The following CFAP299 variants were observed in gnomAD, a reference collection of about 807,000 sequenced individuals.
CFAP299 encodes cilia- and flagella-associated protein 299.
Under a neutral mutation model 27.0 loss-of-function variants are expected in CFAP299, and 21 were observed. The observed-to-expected ratio is 0.78, with a 90% CI of 0.55 to 1.12. The LOEUF is 1.12. Ranked by LOEUF, CFAP299 falls within the 50% of genes most tolerant of loss-of-function variation. The probability of loss-of-function intolerance (pLI) is 0.00; values close to 1 mark genes in which losing one functional copy is unlikely to be tolerated. For missense variants in CFAP299, 310 were observed against 276.6 expected (o/e 1.12, Z -0.86); for synonymous variants, 104 against 98.1 (o/e 1.06, Z -0.36).
At chr4:80,733,003 C>T (rs185341251) in intron 3 of CFAP299, among the ~76,000 whole-genome samples, 5 of 152,148 alleles carry the variant, frequency 3.3e-5, no homozygotes, top group African/African-American at 1.2e-4. Context: ...ATAAATTGTG[C>T]TCACACTGAT....
chr4:80,828,943 T>C (rs537540475), intron 3 of CFAP299, among the ~76,000 whole-genome samples: 3 of 151,946 alleles, frequency 2.0e-5, no homozygotes, highest in African/African-American at 7.2e-5. Context: ...ACAAAATTGA[T>C]CAAAGACCTA....
intron 4 of CFAP299, among the ~76,000 whole-genome samples, chr4:80,894,664 T>A (rs113117596): frequency 0.03 from 4,535 of 152,020 alleles, 184 homozygotes; most frequent in African/African-American, 0.091. Flanking sequence ...CTAACTACTA[T>A]GTGATCCAAC....
At chr4:80,387,693 G>A (rs914878758) in intron 2 of CFAP299, 10 of 1,576,772 alleles carry the variant, frequency 6.3e-6, no homozygotes, top group Middle Eastern at 1.7e-4. Context: ...CAAAGGCATG[G>A]CCACATGCAA....
At chr4:80,735,467 G>A (rs992128698) in intron 3 of CFAP299, among the ~76,000 whole-genome samples, 18 of 152,108 alleles carry the variant, frequency 1.2e-4, no homozygotes, top group African/African-American at 4.3e-4. Flanking sequence ...AGAACTTCCA[G>A]TACTATGTTG....
intron 3 of CFAP299, among the ~76,000 whole-genome samples, chr4:80,732,090 C>T (rs1291121710): frequency 6.6e-6 from 1 of 151,768 alleles, no homozygotes; most frequent in Non-Finnish European, 1.5e-5. Flanking sequence ...CACACACACA[C>T]ACACACACAG....
At chr4:80,755,932 C>T (rs1389803394) in intron 3 of CFAP299, among the ~76,000 whole-genome samples, 1 of 152,054 alleles carries the variant, frequency 6.6e-6, no homozygotes, top group African/African-American at 2.4e-5. Context: ...AATATGTGGA[C>T]TTTGCTTTTT....
intron 2 of CFAP299, among the ~76,000 whole-genome samples, chr4:80,501,855 T>C (rs2110152220): frequency 6.6e-6 from 1 of 152,078 alleles, no homozygotes; most frequent in African/African-American, 2.4e-5. Context: ...CTTCAGGATG[T>C]ATTTTAATTA....
At position 80,596,879 on chromosome 4, in the gene CFAP299, G is replaced by A. The variant is rs373914813; in HGVS notation, c.333+13696G>A. Among the ~76,000 whole-genome samples, 141 of 152,192 alleles carry A rather than the reference G, an allele frequency of 9.3e-4. No individual in the cohort carries two copies. The South Asian group carries it at 0.018, about 20-fold the overall frequency. On this transcript the variant is annotated intron_variant, in intron 3 of 5. Coordinates refer to ENST00000358105, the MANE Select transcript of CFAP299 (RefSeq NM_152770.3). ...TTTTTAAACTAAATATTTTGTTTAT[G>A]AGAACCATCCATGTTGTCGTGTGCA...
the CFAP299 span, among the ~76,000 whole-genome samples, chr4:80,330,059 T>C: frequency 2.0e-5 from 3 of 152,186 alleles, no homozygotes; most frequent in African/African-American, 7.2e-5. Flanking sequence ...GTATTTCTTA[T>C]TTTGAGCAGG....
chr4:80,599,603 T>C (rs1737226039), intron 3 of CFAP299, among the ~76,000 whole-genome samples: 1 of 152,100 alleles, frequency 6.6e-6, no homozygotes, highest in Non-Finnish European at 1.5e-5. Flanking sequence ...AACTTCAAAA[T>C]TGCAGAGGTA....
At chr4:80,412,269 A>C (rs941099544) in intron 2 of CFAP299, among the ~76,000 whole-genome samples, 6 of 46,736 alleles carry the variant, frequency 1.3e-4, no homozygotes, top group Non-Finnish European at 2.8e-4. Flanking sequence ...ATCCACATAT[A>C]GTCCTTTTTT....
chr4:80,944,978 A>G (rs1211893962), intron 5 of CFAP299, 39 bp downstream of exon 5: 3 of 1,562,904 alleles, frequency 1.9e-6, no homozygotes, highest in Non-Finnish European at 2.6e-6. Context: ...ACCTCTTCAC[A>G]TGTTATTGTA....
rs1455526774 is a variant in CFAP299, at chr4:80,799,187, ATATT to A, written c.334-70802_334-70799del. Among the ~76,000 whole-genome samples, 3 of 122,766 alleles carry A rather than the reference ATATT, an allele frequency of 2.4e-5. No individual in the cohort carries two copies. In the Admixed American group the frequency reaches 3.2e-4, roughly 13 times the overall value. 80.5% of individuals were successfully genotyped at this position (122,766 alleles called of 152,430 possible). A position where few individuals can be genotyped will look rare whatever the true frequency, so the allele number is the denominator to read the frequency against. On this transcript the variant is annotated intron_variant, in intron 3 of 5. Coordinates refer to ENST00000358105, the MANE Select transcript of CFAP299 (RefSeq NM_152770.3). ...CAATATTTATATATATTGTATAAAT[ATATT>A]TATATAATATTTATATATATATTGT...
At chr4:80,386,959 A>AC in intron 2 of CFAP299, 2 of 912,074 alleles carry the variant, frequency 2.2e-6, no homozygotes, top group South Asian at 1.3e-5. Flanking sequence ...CGCCGGGAGG[A>AC]CTTCTTGCAC....
chr4:80,381,697 C>T lies in CFAP299; in HGVS notation c.242+18813C>T, dbSNP rs1724703406. ...AAAGTGCTGGGATTACAGGCGTGAG[C>T]CACCGCGCCCGGCCCATATACATTT... On this transcript the variant is annotated intron_variant, in intron 2 of 5. Coordinates refer to ENST00000358105, the MANE Select transcript of CFAP299 (RefSeq NM_152770.3). 1.4e-3 allele frequency among the ~76,000 whole-genome samples: 2 copies of T among 1,448 alleles called. 1 individual carries two copies. Among genetic ancestry groups the T allele is most frequent in the African/African-American group, 1.4e-3 (2 of 1,422 alleles). 0.9% of individuals were successfully genotyped at this position (1,448 alleles called of 152,430 possible). A position where few individuals can be genotyped will look rare whatever the true frequency, so the allele number is the denominator to read the frequency against.
rs542153582 is a variant in CFAP299, at chr4:80,905,576, C to T, written c.476+35441C>T. Among the ~76,000 whole-genome samples, 33 of 152,102 alleles carry T rather than the reference C, an allele frequency of 2.2e-4. 1 individual carries two copies. The stretch of plus-strand genomic sequence containing the variant: ...CACTGATATAAAGAACTGCCCAAGA[C>T]AGGGTAATTTATAAAGGAAGGATGT... On this transcript the variant is annotated intron_variant, in intron 4 of 5. Coordinates refer to ENST00000358105, the MANE Select transcript of CFAP299 (RefSeq NM_152770.3).
chr4:80,390,255 C>G (rs1326012821), intron 2 of CFAP299, among the ~76,000 whole-genome samples: 1 of 151,642 alleles, frequency 6.6e-6, no homozygotes, highest in Non-Finnish European at 1.5e-5. Flanking sequence ...AACTGTATAC[C>G]CTTTGACTGA....
chr4:80,331,733 A>G (rs959736565), upstream of CFAP299, among the ~76,000 whole-genome samples: 1 of 152,238 alleles, frequency 6.6e-6, no homozygotes, highest in Admixed American at 6.5e-5. Context: ...ATTTTCATTT[A>G]TACATGTTAT....
At chr4:80,835,345 G>T (rs778741640) in intron 3 of CFAP299, among the ~76,000 whole-genome samples, 26 of 151,930 alleles carry the variant, frequency 1.7e-4, no homozygotes, top group Non-Finnish European at 3.2e-4. Flanking sequence ...TGATCCGCCC[G>T]CCTCGGCCTG....
Sources: gnomAD v4.1 joint callset for allele counts (sites outside exome capture counted in the v4.1 genomes callset) on GRCh38, gnomAD v4.1.1 for gene constraint, MANE v1.5 for transcripts, NCBI Gene and HGNC (gene_info 2026-07-23, HGNC 2026-07-21) for gene names.